The following ASXL2 variants were observed in gnomAD, a reference collection of about 807,000 sequenced individuals.
ASXL2 encodes ASXL transcriptional regulator 2.
Under a neutral mutation model 122.0 loss-of-function variants are expected in ASXL2, and 23 were observed. That is an observed-to-expected ratio of 0.19 (90% CI 0.14 to 0.27). The LOEUF is 0.27. ASXL2 is among the 10% of genes least tolerant of loss of function. The pLI is 1.00. For synonymous variants in ASXL2, 650 were observed against 637.0 expected (o/e 1.02, Z -0.31); for missense variants, 1,518 against 1,713.8 (o/e 0.89, Z 2.02).
intron 1 of ASXL2, among the ~76,000 whole-genome samples, chr2:25,863,624 C>T (rs1015909045): frequency 5.9e-5 from 9 of 151,598 alleles, no homozygotes; most frequent in African/African-American, 2.2e-4. Context: ...ATCCAGAAGG[C>T]GGAGCTTGCA....
In ASXL2 at chr2:25,841,946, C is replaced by CA. The variant is rs1201875464; in HGVS notation, c.140+3534dup. Among the ~76,000 whole-genome samples the CA allele has an allele frequency of 9.6e-3, 542 of 56,228 alleles. 1 individual carries two copies. The highest frequency in any genetic ancestry group is 0.023 in the East Asian group (50 of 2,158). 36.9% of individuals were successfully genotyped at this position (56,228 alleles called of 152,430 possible). On this transcript the variant is annotated intron_variant, in intron 2 of 12. Transcript: ENST00000435504. Reference sequence around the variant, plus strand: ...TGGAGGACAGAGCGAGACTCTGTCTCAAAAAAAAAAAAAAAATTAGCCAGG... The same window carrying CA: ...TGGAGGACAGAGCGAGACTCTGTCTCAAAAAAAAAAAAAAAAATTAGCCAGG...
Position 25,734,463 on chromosome 2 carries a change from C to A in ASXL2, c.*7566G>T, listed in dbSNP as rs146271970. The A allele has an allele frequency of 1.4e-4, 21 of 152,232 alleles. No homozygotes were observed. Among genetic ancestry groups the A allele is most frequent in the African/African-American group, 5.1e-4 (21 of 41,544 alleles). The allele number at this position is 152,232 out of a possible 1,614,324, so 9.4% of individuals were successfully genotyped here. On this transcript the variant is annotated 3_prime_UTR_variant, in exon 13 of 13. Coordinates refer to ENST00000435504, the MANE Select transcript of ASXL2 (RefSeq NM_018263.6). ...CCAACTCTATTATAATTTCCAAGCTCTAGGTATCTGAAGACATTAGATTCT... is the reference window on the plus strand; with the variant it reads ...CCAACTCTATTATAATTTCCAAGCTATAGGTATCTGAAGACATTAGATTCT...
intron 7 of ASXL2, among the ~76,000 whole-genome samples, 181 bp downstream of exon 7, chr2:25,768,561 T>C (rs2088392418): frequency 6.6e-6 from 1 of 152,204 alleles, no homozygotes; most frequent in African/African-American, 2.4e-5. Flanking sequence ...AATAACTGCA[T>C]GATTATTTTG....
chr2:25,805,895 G>A (rs1002517625), intron 4 of ASXL2, among the ~76,000 whole-genome samples: 4 of 152,008 alleles, frequency 2.6e-5, no homozygotes, highest in Non-Finnish European at 2.9e-5. Flanking sequence ...CAGGCTGGTC[G>A]CAAACTCCTG....
chr2:25,768,430 A>T (rs1368019310), intron 7 of ASXL2, among the ~76,000 whole-genome samples: 1 of 152,108 alleles, frequency 6.6e-6, no homozygotes, highest in Non-Finnish European at 1.5e-5. Flanking sequence ...CAGCTTCCCG[A>T]GTAGCTGGGG....
At chr2:25,834,164 C>G (rs530553100) in intron 3 of ASXL2, among the ~76,000 whole-genome samples, 1 of 152,070 alleles carries the variant, frequency 6.6e-6, no homozygotes, top group Non-Finnish European at 1.5e-5. Context: ...ACCAGCCTGG[C>G]CAGCATGGTA....
At chr2:25,843,814 TAAAAAA>T (rs541446675) in intron 2 of ASXL2, among the ~76,000 whole-genome samples, 11 of 86,518 alleles carry the variant, frequency 1.3e-4, no homozygotes, top group African/African-American at 1.9e-4. Context: ...CTCCATCTCT[TAAAAAA>T]AAAAAAAAAA....
chr2:25,762,917 AAC>A (rs1255333417), intron 8 of ASXL2, among the ~76,000 whole-genome samples: 1 of 152,156 alleles, frequency 6.6e-6, no homozygotes, highest in African/African-American at 2.4e-5. Flanking sequence ...GGCAAAAACT[AAC>A]CATAGGGGAG....
intron 5 of ASXL2, among the ~76,000 whole-genome samples, chr2:25,774,724 C>T (rs185444812): frequency 7.9e-5 from 12 of 152,248 alleles, no homozygotes; most frequent in East Asian, 1.9e-4. Context: ...TATGTAGTAG[C>T]GGAATTGTGT....
chr2:25,793,669 T>G (rs1400538050), intron 5 of ASXL2, among the ~76,000 whole-genome samples: 1 of 152,234 alleles, frequency 6.6e-6, no homozygotes, highest in Non-Finnish European at 1.5e-5. Context: ...ATGATTTTGA[T>G]CTTTAGAAAC....
Position 25,750,191 on chromosome 2 carries a change from C to T in ASXL2, c.1365G>A (p.Pro455=), listed in dbSNP as rs33994557. ...GGGGCTCTGAAGATGTGGAGAAGTT[C>T]GGCTGCACTTCACCTTGGCTTTCAC... The part of the protein sequence containing the change: ...EECESQGEVQ[P]NFSTSSEPLL... Residue 455 remains proline, a synonymous_variant, in exon 12 of 13, where the codon CCG becomes CCA. Transcript: ENST00000435504. The T allele has an allele frequency of 0.051, 81,691 of 1,613,842 alleles. 2,360 individuals are homozygous for T. Among genetic ancestry groups the T allele is most frequent in the South Asian group, 0.081 (7,414 of 91,066 alleles).
At chr2:25,814,652 A>C (rs1008758086) in intron 3 of ASXL2, among the ~76,000 whole-genome samples, 4 of 152,230 alleles carry the variant, frequency 2.6e-5, no homozygotes, top group African/African-American at 9.6e-5. Flanking sequence ...ACATACTAAT[A>C]TGTTTTGTAC....
In ASXL2 at chr2:25,734,210, T is replaced by A. The variant is rs2087696767; in HGVS notation, c.*7819A>T. ...TGAGAACTTGCTCTTTAATCAGTACTTTATTATTAGAGAATAAATTAAGAT... is the reference window on the plus strand; with the variant it reads ...TGAGAACTTGCTCTTTAATCAGTACATTATTATTAGAGAATAAATTAAGAT... On this transcript the variant is annotated 3_prime_UTR_variant, in exon 13 of 13. Coordinates refer to ENST00000435504, the MANE Select transcript of ASXL2 (RefSeq NM_018263.6). 1.3e-5 allele frequency: 2 copies of A among 152,210 alleles called. No individual in the cohort carries two copies. The highest frequency in any genetic ancestry group is 4.1e-4 in the South Asian group (2 of 4,834). 9.4% of individuals were successfully genotyped at this position (152,210 alleles called of 1,614,324 possible). A position where few individuals can be genotyped will look rare whatever the true frequency, so the allele number is the denominator to read the frequency against.
chr2:25,762,665 G>GAAAAAAAAAAAAA (rs60065368), intron 8 of ASXL2, among the ~76,000 whole-genome samples: 3 of 34,266 alleles, frequency 8.8e-5, no homozygotes, highest in African/African-American at 1.5e-4. Flanking sequence ...ACTCTTTCTC[G>GAAAAAAAAAAAAA]AAAAAAAAAA....
chr2:25,786,580 T>C (rs1330392083), intron 5 of ASXL2, among the ~76,000 whole-genome samples: 2 of 151,940 alleles, frequency 1.3e-5, no homozygotes, highest in Non-Finnish European at 2.9e-5. Flanking sequence ...AGGCTGGGTA[T>C]TGGTGGCTCA....
At chr2:25,826,995 ATTTTT>A (rs34208753) in intron 3 of ASXL2, among the ~76,000 whole-genome samples, 2 of 127,376 alleles carry the variant, frequency 1.6e-5, no homozygotes, top group Non-Finnish European at 1.7e-5. Flanking sequence ...ACAGCTAATA[ATTTTT>A]TTTTTTTTTT....
intron 1 of ASXL2, among the ~76,000 whole-genome samples, chr2:25,872,632 G>A (rs2089970762): frequency 6.6e-6 from 1 of 152,084 alleles, no homozygotes; most frequent in Admixed American, 6.6e-5. Context: ...TACAAAGTAA[G>A]CATTGATAAG....
At chr2:25,779,815 AT>A (rs2088605166) in intron 5 of ASXL2, among the ~76,000 whole-genome samples, 1 of 152,084 alleles carries the variant, frequency 6.6e-6, no homozygotes, top group Admixed American at 6.6e-5. Context: ...TTGTCCTTTC[AT>A]TTTTATTCAT....
Position 25,759,860 on chromosome 2 carries a change from C to T in ASXL2, c.776-215G>A, listed in dbSNP as rs529945477. 2.0e-5 allele frequency among the ~76,000 whole-genome samples: 3 copies of T among 152,188 alleles called. No individual in the cohort carries two copies. The South Asian group carries it at 6.2e-4, about 32-fold the overall frequency. On this transcript the variant is annotated intron_variant, in intron 8 of 12. Transcript: ENST00000435504. Reference sequence around the variant, plus strand: ...GGATAAAAGAATACAATGTATCTACCTTCTCTGCATAAATAGAATAAAGTC... The same window carrying T: ...GGATAAAAGAATACAATGTATCTACTTTCTCTGCATAAATAGAATAAAGTC...
Sources: gnomAD v4.1 joint callset for allele counts (sites outside exome capture counted in the v4.1 genomes callset) on GRCh38, gnomAD v4.1.1 for gene constraint, MANE v1.5 for transcripts, NCBI Gene and HGNC (gene_info 2026-07-23, HGNC 2026-07-21) for gene names.